Variants in ABCA8 observed in about 807,000 individuals in gnomAD.
ABCA8 encodes ABC-type organic anion transporter ABCA8.
In ABCA8, 177 loss-of-function variants were observed where a neutral mutation model predicts 192.3. The ratio of observed to expected loss-of-function variants is 0.92; its 90% CI spans 0.81 to 1.04. ABCA8 has a LOEUF of 1.04. Among genes scored for constraint, ABCA8 ranks in the 50% least tolerant of loss-of-function variants. The pLI, the probability that ABCA8 is intolerant of heterozygous loss-of-function variation, is 0.00. For missense variants in ABCA8, 1,915 were observed against 1,904.8 expected, an observed-to-expected ratio of 1.01 and a Z score of -0.10; for synonymous variants, 642 against 690.2, an observed-to-expected ratio of 0.93 and a Z score of 1.09.
chr17:68,928,464 C>T (rs2067762074), intron 9 of ABCA8, among the ~76,000 whole-genome samples: 1 of 152,092 alleles, frequency 6.6e-6, no homozygotes, highest in Non-Finnish European at 1.5e-5. Context: ...TTAAGTAGAA[C>T]CAGAAGTGGG....
chr17:68,937,791 G>A (rs1229286117), intron 4 of ABCA8, among the ~76,000 whole-genome samples: 3 of 151,992 alleles, frequency 2.0e-5, no homozygotes, highest in Non-Finnish European at 4.4e-5. Flanking sequence ...GTCATCATGA[G>A]CAAATTCCTT....
rs765731645 is a variant in ABCA8, at chr17:68,944,359, T to TATATATACATAC, written c.-5-2321_-5-2320insGTATGTATATAT. ...ATATATATATATATATATATATATA[T>TATATATACATAC]ACACATATACATACATATGCAAACA... On this transcript the variant is annotated intron_variant, in intron 2 of 39. Transcript: ENST00000586539. Among the ~76,000 whole-genome samples the TATATATACATAC allele has an allele frequency of 6.9e-4, 48 of 69,446 alleles. 2 individuals are homozygous for TATATATACATAC. Among genetic ancestry groups the TATATATACATAC allele is most frequent in the African/African-American group, 2.5e-3 (45 of 18,314 alleles). The allele number at this position is 69,446 out of a possible 152,430, so 45.6% of individuals were successfully genotyped here.
At chr17:68,941,074 C>T (rs1014113064) in intron 3 of ABCA8, 112 bp from the exon 4 acceptor site, 2 of 774,002 alleles carry the variant, frequency 2.6e-6, no homozygotes, top group Admixed American at 2.7e-5. Flanking sequence ...CAATATATCC[C>T]ATATTATAAA....
chr17:68,881,954 T>C lies in ABCA8; in HGVS notation c.3855A>G (p.Leu1285=). ...DEKPVIIASC[L]RKEYAGKRKG... is the part of the protein sequence containing the mutation. ...TCCTCTTCCCTGCATACTCCTTGCG[T>C]AGACAGCTGGCAATGATGACTGGCT... is the stretch of plus-strand genomic sequence containing the variant. Residue 1285 remains leucine (L), a synonymous_variant, in exon 31 of 40, where the codon CTA becomes CTG. Coordinates refer to ENST00000586539, the MANE Select transcript of ABCA8 (RefSeq NM_001288985.2). 2 of 1,614,090 alleles carry C rather than the reference T, an allele frequency of 1.2e-6. No individual in the cohort carries two copies. Among genetic ancestry groups the C allele is most frequent in the Non-Finnish European group, 1.7e-6 (2 of 1,179,948 alleles).
At chr17:68,915,603 T>A (rs2067335110) in intron 17 of ABCA8, among the ~76,000 whole-genome samples, 1 of 152,044 alleles carries the variant, frequency 6.6e-6, no homozygotes, top group Admixed American at 6.6e-5. Context: ...TAGAATGGCT[T>A]TTATCCAAAA....
chr17:68,878,628 A>C (rs997332656), intron 32 of ABCA8: 1 of 152,226 alleles, frequency 6.6e-6, no homozygotes, highest in African/African-American at 2.4e-5. Context: ...ACCTTTTACA[A>C]GATTTCATTC....
chr17:68,899,705 A>T (rs973763685), intron 21 of ABCA8, among the ~76,000 whole-genome samples: 2 of 152,120 alleles, frequency 1.3e-5, no homozygotes, highest in Non-Finnish European at 2.9e-5. Context: ...AAAGGCAAGG[A>T]CATCAAACAA....
At chr17:68,908,275 G>A (rs1318320327) in intron 17 of ABCA8, among the ~76,000 whole-genome samples, 1 of 152,162 alleles carries the variant, frequency 6.6e-6, no homozygotes, top group Non-Finnish European at 1.5e-5. Flanking sequence ...GTTTTAAGCT[G>A]ACTAAATAGA....
At position 68,868,351 on chromosome 17, in the gene ABCA8, G is replaced by A. The variant is rs763564526; in HGVS notation, c.4717C>T (p.Gln1573Ter). Residue 1573 changes from glutamine (Q) to a stop codon, truncating the protein, a stop_gained, in exon 39 of 40, where the codon CAG becomes TAG. Transcript: ENST00000586539. LOFTEE classifies it high-confidence loss of function. Reference protein sequence around the residue: ...QAFFKLEKVKQSFDLEEYSLS... With the variant: ...QAFFKLEKVK ...CTGTACTCCTCTAGGTCAAAGCTCT[G>A]TTTAACTGCATAGGGATGAACATGT... is the stretch of plus-strand genomic sequence containing the variant. 5.0e-6 allele frequency: 8 copies of A among 1,613,316 alleles called. No individual in the cohort carries two copies. The highest frequency in any genetic ancestry group is 6.8e-6 in the Non-Finnish European group (8 of 1,179,352).
chr17:68,947,673 C>T (rs2068449502), intron 2 of ABCA8, among the ~76,000 whole-genome samples: 1 of 151,908 alleles, frequency 6.6e-6, no homozygotes, highest in Non-Finnish European at 1.5e-5. Context: ...TCAACTTGAT[C>T]CAATTTTGAT....
At chr17:68,930,667 G>C (rs561615014) in intron 7 of ABCA8, among the ~76,000 whole-genome samples, 8 of 152,204 alleles carry the variant, frequency 5.3e-5, no homozygotes, top group Middle Eastern at 3.4e-3. Context: ...TATTGATAGA[G>C]AACCTAATGA....
At position 68,889,175 on chromosome 17, in the gene ABCA8, A is replaced by C. The variant is rs575714294; in HGVS notation, c.3145-1669T>G. On this transcript the variant is annotated intron_variant, in intron 24 of 39. Coordinates refer to ENST00000586539, the MANE Select transcript of ABCA8 (RefSeq NM_001288985.2). Reference sequence around the variant, plus strand: ...TAAACCATACACTCTTTTTGTGGGCAACAGAGAGAGAGAAAAAACGAAACA... The same window carrying C: ...TAAACCATACACTCTTTTTGTGGGCCACAGAGAGAGAGAAAAAACGAAACA... Among the ~76,000 whole-genome samples, 10 of 152,350 alleles carry C rather than the reference A, an allele frequency of 6.6e-5. No homozygotes were observed. The East Asian group carries it at 1.9e-3, about 29-fold the overall frequency.
intron 28 of ABCA8, 140 bp downstream of exon 28, chr17:68,884,191 A>G: frequency 2.3e-6 from 2 of 886,688 alleles, no homozygotes; most frequent in Admixed American, 3.9e-5. Flanking sequence ...ATTCTTCCGG[A>G]TTTTACAAGC....
chr17:68,943,599 A>G (rs1380499955), intron 2 of ABCA8, among the ~76,000 whole-genome samples: 1 of 152,244 alleles, frequency 6.6e-6, no homozygotes, highest in East Asian at 1.9e-4. Context: ...GGTCTATCAA[A>G]GAGCTGAGTT....
chr17:68,868,485 A>G, intron 38 of ABCA8, 129 bp from the exon 39 acceptor site: 2 of 768,750 alleles, frequency 2.6e-6, no homozygotes, highest in Non-Finnish European at 4.2e-6. Context: ...TTCATGTCTT[A>G]AGTACATCGT....
chr17:68,951,881 C>G (rs2068577217), intron 1 of ABCA8, among the ~76,000 whole-genome samples: 1 of 152,156 alleles, frequency 6.6e-6, no homozygotes, highest in African/African-American at 2.4e-5. Flanking sequence ...TTAAGAGATG[C>G]ATTAAACCAT....
intron 2 of ABCA8, among the ~76,000 whole-genome samples, chr17:68,942,413 G>A (rs115464717): frequency 0.065 from 9,829 of 152,246 alleles, 1,060 homozygotes; most frequent in African/African-American, 0.22. Context: ...GGCATCTGAT[G>A]CCATCCAGGT....
intron 13 of ABCA8, 82 bp downstream of exon 13, chr17:68,921,300 T>C: frequency 1.1e-6 from 1 of 880,380 alleles, no homozygotes; most frequent in Non-Finnish European, 1.7e-6. Flanking sequence ...TGTATACATA[T>C]GTAACTAACC....
intron 11 of ABCA8, among the ~76,000 whole-genome samples, chr17:68,922,778 C>G (rs2067581573): frequency 6.6e-6 from 1 of 152,152 alleles, no homozygotes; most frequent in Non-Finnish European, 1.5e-5. Flanking sequence ...ATCATAATAG[C>G]AAGAGCATGG....
Sources: gnomAD v4.1 joint callset for allele counts (sites outside exome capture counted in the v4.1 genomes callset) on GRCh38, gnomAD v4.1.1 for gene constraint, MANE v1.5 for transcripts, NCBI Gene and HGNC (gene_info 2026-07-23, HGNC 2026-07-21) for gene names.